The following OR6C3 variants were observed in gnomAD, a reference collection of about 807,000 sequenced individuals.
OR6C3 encodes the protein olfactory receptor 6C3.
For synonymous variants in OR6C3, 177 were observed against 137.4 expected (o/e 1.29, Z -2.02); for missense variants, 487 against 364.6 (o/e 1.34, Z -2.73).
Position 55,332,094 on chromosome 12 carries a change from A to G in OR6C3, c.394A>G (p.Ile132Val), listed in dbSNP as rs1002767616. Reference sequence around the variant, plus strand: ...CTGCAAGCCCCTTCATTACACATCCATCATGAACAGGAAACTCTGCACTCT... The same window carrying G: ...CTGCAAGCCCCTTCATTACACATCCGTCATGAACAGGAAACTCTGCACTCT... ...AICKPLHYTS[I>V]MNRKLCTLLV... Residue 132 changes from isoleucine (I) to valine (V), a missense_variant, in exon 2 of 2, where the codon ATC becomes GTC. Coordinates refer to ENST00000641740, the MANE Select transcript of OR6C3 (RefSeq NM_001388498.1). 1 of 1,614,034 alleles carries G rather than the reference A, an allele frequency of 6.2e-7. No individual in the cohort carries two copies. The highest frequency in any genetic ancestry group is 1.3e-5 in the African/African-American group (1 of 74,928).
chr12:55,332,549 C>A lies in OR6C3; in HGVS notation c.849C>A (p.Asn283Lys), dbSNP rs762358324. The change falls in exon 2 of 2, where the codon AAC becomes AAA. Residue 283 changes from asparagine (N) to lysine (K), a missense_variant. Coordinates refer to ENST00000641740, the MANE Select transcript of OR6C3 (RefSeq NM_001388498.1). ...ATACATCTGTTGCCCCCATGCTGAA[C>A]CCCTTCATTTACACTCTGAGAAACC... Reference protein sequence around the residue: ...ILNTSVAPMLNPFIYTLRNQQ... With the variant: ...ILNTSVAPMLKPFIYTLRNQQ... The A allele has an allele frequency of 3.5e-5, 57 of 1,613,212 alleles. No homozygotes were observed. Among genetic ancestry groups the A allele is most frequent in the Non-Finnish European group, 3.8e-5 (45 of 1,179,978 alleles).
rs1250211491 is a variant in OR6C3, at chr12:55,332,168, C to A, written c.468C>A (p.Pro156=). 3.1e-6 allele frequency: 5 copies of A among 1,614,086 alleles called. No homozygotes were observed. The highest frequency in any genetic ancestry group is 4.2e-6 in the Non-Finnish European group (5 of 1,180,018). ...WLSGFLTIFP[P]LMLLLQLDYC... ...GTGGGTTTCTGACCATTTTCCCACC[C>A]CTTATGCTTCTCCTCCAGCTGGATT... The change falls in exon 2 of 2, where the codon CCC becomes CCA. Residue 156 remains proline (P), a synonymous_variant. Transcript: ENST00000641740.
chr12:55,331,604 A>T (rs998263704), intron 1 of OR6C3, 53 bp from the exon 2 acceptor site: 3 of 732,648 alleles, frequency 4.1e-6, no homozygotes, highest in Non-Finnish European at 6.8e-6. Flanking sequence ...ATGATGAATT[A>T]TATCTTTTAT....
chr12:55,330,101 G>T (rs1868795948), upstream of OR6C3: 1 of 152,160 alleles, frequency 6.6e-6, no homozygotes, highest in Non-Finnish European at 1.5e-5. Context: ...ACTTTGCTTT[G>T]TTCCCAGGAG....
At chr12:55,330,875 C>T (rs1868818221) in intron 1 of OR6C3, 68 bp downstream of exon 1, 1 of 151,992 alleles carries the variant, frequency 6.6e-6, no homozygotes, top group Admixed American at 6.6e-5. Flanking sequence ...CACATGTTCC[C>T]TTAAGCTCAA....
chr12:55,332,286 G>C lies in OR6C3; in HGVS notation c.586G>C (p.Gly196Arg), dbSNP rs772114105. Reference protein sequence around the residue: ...CSDTWLLEVIGFYFALVTLLF... With the variant: ...CSDTWLLEVIRFYFALVTLLF... ...AGATACATGGCTCCTAGAAGTAATT[G>C]GTTTTTACTTTGCTTTGGTTACTTT... The change falls in exon 2 of 2, where the codon GGT (glycine) becomes CGT (arginine). Residue 196 changes from glycine to arginine, a missense_variant. Gly to Arg is a moderately radical substitution (Grantham distance 125). Coordinates refer to ENST00000641740, the MANE Select transcript of OR6C3 (RefSeq NM_001388498.1). 11 of 1,613,774 alleles carry C rather than the reference G, an allele frequency of 6.8e-6. No individual in the cohort carries two copies. The South Asian group carries it at 9.9e-5, about 14-fold the overall frequency.
chr12:55,332,126 G>T lies in OR6C3; in HGVS notation c.426G>T (p.Val142=), dbSNP rs1264868470. The change falls in exon 2 of 2, where the codon GTG becomes GTT. Residue 142 remains valine (V), a synonymous_variant. Coordinates refer to ENST00000641740, the MANE Select transcript of OR6C3 (RefSeq NM_001388498.1). ...ACAGGAAACTCTGCACTCTACTTGT[G>T]CTGTGTGCCTGGCTAAGTGGGTTTC... ...IMNRKLCTLL[V]LCAWLSGFLT... 1.9e-6 allele frequency: 3 copies of T among 1,613,982 alleles called. No homozygotes were observed. Among genetic ancestry groups the T allele is most frequent in the Non-Finnish European group, 2.5e-6 (3 of 1,180,040 alleles).
At chr12:55,330,345 T>A (rs1160354152), upstream of OR6C3, 1 of 152,196 alleles carries the variant, frequency 6.6e-6, no homozygotes, top group Non-Finnish European at 1.5e-5. Context: ...TTTCCACATC[T>A]TCCAAAGGTT....
At position 55,331,680 on chromosome 12, in the gene OR6C3, G is replaced by C. The variant is rs573692707; in HGVS notation, c.-21G>C. On this transcript the variant is annotated 5_prime_UTR_variant, in exon 2 of 2. Coordinates refer to ENST00000641740, the MANE Select transcript of OR6C3 (RefSeq NM_001388498.1). ...AGAACAAAAAGGAGAGTGGAAGAAGGAGAGAGAGAAAGGACGAGACATGAA... is the reference window on the plus strand; with the variant it reads ...AGAACAAAAAGGAGAGTGGAAGAAGCAGAGAGAGAAAGGACGAGACATGAA... 2.9e-5 allele frequency: 44 copies of C among 1,508,718 alleles called. No individual in the cohort carries two copies. The highest frequency in any genetic ancestry group is 3.8e-5 in the Non-Finnish European group (42 of 1,103,128). 93.5% of individuals were successfully genotyped at this position (1,508,718 alleles called of 1,614,324 possible).
At position 55,332,111 on chromosome 12, in the gene OR6C3, C is replaced by A. The variant is rs767475569; in HGVS notation, c.411C>A (p.Leu137=). Residue 137 remains leucine, a synonymous_variant, in exon 2 of 2, where the codon CTC becomes CTA. Transcript: ENST00000641740. ...ACACATCCATCATGAACAGGAAACT[C>A]TGCACTCTACTTGTGCTGTGTGCCT... The part of the protein sequence containing the change: ...LHYTSIMNRK[L]CTLLVLCAWL... 1 of 1,614,188 alleles carries A rather than the reference C, an allele frequency of 6.2e-7. No individual in the cohort carries two copies. Among genetic ancestry groups the A allele is most frequent in the Admixed American group, 1.7e-5 (1 of 60,012 alleles).
At chr12:55,330,997 C>A (rs1868821634) in intron 1 of OR6C3, among the ~76,000 whole-genome samples, 190 bp downstream of exon 1, 1 of 151,836 alleles carries the variant, frequency 6.6e-6, no homozygotes, top group African/African-American at 2.4e-5. Context: ...AGTAAGCGAA[C>A]ATGTTCCCTA....
At position 55,332,499 on chromosome 12, in the gene OR6C3, T is replaced by C; in HGVS notation, c.799T>C (p.Leu267=). The part of the protein sequence containing the change: ...ANPSAKEKAS[L]TKGIAILNTS... ...TCCATCTGCAAAAGAAAAGGCATCA[T>C]TGACAAAAGGAATAGCTATTCTCAA... Residue 267 remains leucine (L), a synonymous_variant, in exon 2 of 2, where the codon TTG becomes CTG. Transcript: ENST00000641740. 3.1e-6 allele frequency: 5 copies of C among 1,613,996 alleles called. No homozygotes were observed. The highest frequency in any genetic ancestry group is 1.3e-5 in the African/African-American group (1 of 75,054).
intron 1 of OR6C3, 74 bp downstream of exon 1, chr12:55,330,881 C>G (rs1868818566): frequency 6.6e-6 from 1 of 151,952 alleles, no homozygotes; most frequent in Admixed American, 6.6e-5. Flanking sequence ...TTCCCTTAAG[C>G]TCAAAATTAA....
chr12:55,330,964 T>C (rs1346671441), intron 1 of OR6C3, among the ~76,000 whole-genome samples, 157 bp downstream of exon 1: 1 of 152,038 alleles, frequency 6.6e-6, no homozygotes, highest in Non-Finnish European at 1.5e-5. Context: ...AAGATTTTGA[T>C]GGAATTATAA....
At position 55,332,540 on chromosome 12, in the gene OR6C3, C is replaced by T; in HGVS notation, c.840C>T (p.Pro280=). The T allele has an allele frequency of 1.9e-6, 3 of 1,613,632 alleles. No individual in the cohort carries two copies. The highest frequency in any genetic ancestry group is 2.5e-6 in the Non-Finnish European group (3 of 1,179,964). The change falls in exon 2 of 2, where the codon CCC becomes CCT. Residue 280 remains proline (P), a synonymous_variant. Coordinates refer to ENST00000641740, the MANE Select transcript of OR6C3 (RefSeq NM_001388498.1). ...CTATTCTCAATACATCTGTTGCCCC[C>T]ATGCTGAACCCCTTCATTTACACTC... ...GIAILNTSVA[P]MLNPFIYTLR...
chr12:55,331,739 C>T lies in OR6C3; in HGVS notation c.39C>T (p.Gly13=). ...TGGTCACAGAGTTTGTCCTCCTGGG[C>T]CTTTCTGATGATCCTGACCTTCAGA... ...HTMVTEFVLL[G]LSDDPDLQIV... The change falls in exon 2 of 2, where the codon GGC becomes GGT. Residue 13 remains glycine (G), a synonymous_variant. Transcript: ENST00000641740. The T allele has an allele frequency of 6.2e-7, 1 of 1,613,596 alleles. No individual in the cohort carries two copies. Among genetic ancestry groups the T allele is most frequent in the Non-Finnish European group, 8.5e-7 (1 of 1,179,672 alleles).
Position 55,331,942 on chromosome 12 carries a change from C to A in OR6C3, c.242C>A (p.Ala81Glu). 1 of 1,614,000 alleles carries A rather than the reference C, an allele frequency of 6.2e-7. No homozygotes were observed. The highest frequency in any genetic ancestry group is 8.5e-7 in the Non-Finnish European group (1 of 1,179,902). The change falls in exon 2 of 2, where the codon GCA (alanine) becomes GAA (glutamate). Residue 81 changes from alanine (A) to glutamate (E), a missense_variant. Ala to Glu is a moderately radical substitution (Grantham distance 107). Coordinates refer to ENST00000641740, the MANE Select transcript of OR6C3 (RefSeq NM_001388498.1). ...GTATGCATCCCCAGATTTCTGGGGG[C>A]AATTATCACCAGGAATAAGACTATT... ...TTVCIPRFLG[A>E]IITRNKTISY... is the part of the protein sequence containing the mutation.
intron 1 of OR6C3, among the ~76,000 whole-genome samples, chr12:55,331,121 A>G (rs1313671603): frequency 6.6e-6 from 1 of 151,348 alleles, no homozygotes; most frequent in African/African-American, 2.4e-5. Flanking sequence ...TAAAAATAAA[A>G]TGAATAAATA....
chr12:55,331,991 A>G lies in OR6C3; in HGVS notation c.291A>G (p.Gln97=). The G allele has an allele frequency of 6.2e-7, 1 of 1,613,776 alleles. No individual in the cohort carries two copies. Among genetic ancestry groups the G allele is most frequent in the South Asian group, 1.1e-5 (1 of 91,060 alleles). The change falls in exon 2 of 2, where the codon CAA becomes CAG. Residue 97 remains glutamine (Q), a synonymous_variant. Coordinates refer to ENST00000641740, the MANE Select transcript of OR6C3 (RefSeq NM_001388498.1). Reference sequence around the variant, plus strand: ...TTTCCTATAACAACTGTGCAGCCCAACTCTTTTTCTTTATCTTCATGGGGG... The same window carrying G: ...TTTCCTATAACAACTGTGCAGCCCAGCTCTTTTTCTTTATCTTCATGGGGG... ...KTISYNNCAA[Q]LFFFIFMGVT... is the part of the protein sequence containing the mutation.
Sources: gnomAD v4.1 joint callset for allele counts (sites outside exome capture counted in the v4.1 genomes callset) on GRCh38, gnomAD v4.1.1 for gene constraint, MANE v1.5 for transcripts, NCBI Gene and HGNC (gene_info 2026-07-23, HGNC 2026-07-21) for gene names.